Variants in ESRRG observed in about 807,000 individuals in gnomAD.
The protein encoded by ESRRG is estrogen related receptor gamma, also known as estrogen-related receptor gamma.
ESRRG carries 13 observed loss-of-function variants against 44.0 expected under a neutral mutation model. The observed-to-expected ratio is 0.30, with a 90% CI of 0.19 to 0.47. The LOEUF is 0.47. ESRRG is among the 20% of genes least tolerant of loss of function. The pLI, the probability that ESRRG is intolerant of heterozygous loss-of-function variation, is 1.00. For synonymous variants in ESRRG, 215 were observed against 214.6 expected, an observed-to-expected ratio of 1.00 and a Z score of -0.02; for missense variants, 395 against 580.6, an observed-to-expected ratio of 0.68 and a Z score of 3.29.
intron 3 of ESRRG, among the ~76,000 whole-genome samples, chr1:216,649,524 A>T (rs1003758734): frequency 1.3e-5 from 2 of 151,350 alleles, no homozygotes; most frequent in Non-Finnish European, 3.0e-5. Flanking sequence ...ACACACACAC[A>T]CTCTCATACA....
chr1:217,087,159 C>A (rs935221114), intron 1 of ESRRG, among the ~76,000 whole-genome samples: 2 of 152,156 alleles, frequency 1.3e-5, no homozygotes, highest in Non-Finnish European at 2.9e-5. Context: ...TTACCTCTGG[C>A]GGGCTTTCGC....
chr1:217,107,984 G>C (rs1441422620), intron 1 of ESRRG, among the ~76,000 whole-genome samples: 2 of 151,352 alleles, frequency 1.3e-5, no homozygotes, highest in Non-Finnish European at 2.9e-5. Flanking sequence ...TGTCATTCCT[G>C]ACTCTGATGA....
chr1:216,540,646 A>G (rs927418239), intron 5 of ESRRG, among the ~76,000 whole-genome samples: 4 of 152,180 alleles, frequency 2.6e-5, no homozygotes, highest in Non-Finnish European at 5.9e-5. Flanking sequence ...ATAGTGCTAC[A>G]TGCTAATTTC....
intron 1 of ESRRG, among the ~76,000 whole-genome samples, chr1:216,693,949 G>T (rs2079589379): frequency 6.6e-6 from 1 of 152,124 alleles, no homozygotes; most frequent in African/African-American, 2.4e-5. Context: ...CTAAATAAAA[G>T]TGTTGTTCAT....
chr1:217,032,163 A>G (rs1261296954), intron 1 of ESRRG, among the ~76,000 whole-genome samples: 4 of 152,200 alleles, frequency 2.6e-5, no homozygotes, highest in Non-Finnish European at 5.9e-5. Context: ...ATTTTTTAAA[A>G]TAGAAATACC....
intron 1 of ESRRG, among the ~76,000 whole-genome samples, chr1:217,042,760 C>G (rs995917925): frequency 6.6e-6 from 1 of 152,074 alleles, no homozygotes; most frequent in South Asian, 2.1e-4. Flanking sequence ...AAAAAGCTCT[C>G]CAAAAGGGTC....
intron 1 of ESRRG, chr1:216,707,418 T>G (rs534651383): frequency 6.5e-7 from 1 of 1,535,870 alleles, no homozygotes; most frequent in East Asian, 2.4e-5. Flanking sequence ...CCCAATCACA[T>G]TCTCGCCACA....
intron 1 of ESRRG, among the ~76,000 whole-genome samples, chr1:216,949,842 T>C (rs945604727): frequency 6.6e-6 from 1 of 151,930 alleles, no homozygotes; most frequent in Non-Finnish European, 1.5e-5. Flanking sequence ...TGAGACAGTC[T>C]TGATCTGTCA....
At chr1:216,962,712 T>C (rs955548034) in intron 1 of ESRRG, among the ~76,000 whole-genome samples, 1 of 152,202 alleles carries the variant, frequency 6.6e-6, no homozygotes, top group Non-Finnish European at 1.5e-5. Context: ...ATAGGAACCA[T>C]TGAAATCTAA....
intron 5 of ESRRG, among the ~76,000 whole-genome samples, chr1:216,532,340 G>T (rs559799445): frequency 2.2e-4 from 34 of 152,224 alleles, no homozygotes; most frequent in Admixed American, 2.2e-3. Context: ...GACATAACGG[G>T]GATCAAGCCG....
intron 2 of ESRRG, among the ~76,000 whole-genome samples, chr1:216,927,172 C>G (rs2062702960): frequency 1.3e-5 from 2 of 152,156 alleles, no homozygotes; most frequent in South Asian, 2.1e-4. Flanking sequence ...AGACACTCCT[C>G]TCTTTCTAAG....
At position 216,563,524 on chromosome 1, in the gene ESRRG, T is replaced by C. The variant is rs139355998; in HGVS notation, c.862+695A>G. 2.2e-3 allele frequency among the ~76,000 whole-genome samples: 339 copies of C among 152,238 alleles called. 13 individuals are homozygous for C. The East Asian group carries it at 0.058, about 26-fold the overall frequency. ...ACATTGCTCATCATTCAAAAACTTG[T>C]TTATAAACTATCTGAAAATTCAACT... On this transcript the variant is annotated intron_variant, in intron 5 of 6. Transcript: ENST00000408911.
At chr1:216,558,380 TG>T (rs1219200533) in intron 5 of ESRRG, among the ~76,000 whole-genome samples, 1 of 152,194 alleles carries the variant, frequency 6.6e-6, no homozygotes, top group Non-Finnish European at 1.5e-5. Flanking sequence ...CCAATGGTCC[TG>T]CCCATGTAGA....
In ESRRG at chr1:216,625,678, T is replaced by G. The variant is rs143690734; in HGVS notation, c.589+25295A>C. Among the ~76,000 whole-genome samples the G allele has an allele frequency of 1.6e-3, 246 of 152,330 alleles. 1 individual carries two copies. The highest frequency in any genetic ancestry group is 5.7e-3 in the African/African-American group (239 of 41,586). On this transcript the variant is annotated intron_variant, in intron 3 of 6. Transcript: ENST00000408911. Reference sequence around the variant, plus strand: ...GTTATATGAGCTCAGGCAAGCCTTTTAACTTCTGTGTCTTCGTGTCCATCA... The same window carrying G: ...GTTATATGAGCTCAGGCAAGCCTTTGAACTTCTGTGTCTTCGTGTCCATCA...
intron 2 of ESRRG, among the ~76,000 whole-genome samples, chr1:216,837,176 G>A (rs545870547): frequency 2.6e-5 from 4 of 151,982 alleles, no homozygotes; most frequent in South Asian, 2.1e-4. Context: ...TTGGGAGGCC[G>A]AGGCGGGCAG....
chr1:216,956,507 C>T (rs552848065), intron 1 of ESRRG, among the ~76,000 whole-genome samples: 3 of 152,212 alleles, frequency 2.0e-5, no homozygotes, highest in Middle Eastern at 3.4e-3. Flanking sequence ...TGATCACTAT[C>T]GCTTTGTAGT....
At chr1:216,747,555 C>A (rs146596427) in intron 2 of ESRRG, among the ~76,000 whole-genome samples, 110 of 152,274 alleles carry the variant, frequency 7.2e-4, no homozygotes, top group African/African-American at 2.5e-3. Context: ...GAAGGTAGAG[C>A]AACTGGGTAT....
intron 2 of ESRRG, among the ~76,000 whole-genome samples, chr1:216,811,038 A>G (rs1167312568): frequency 6.6e-6 from 1 of 152,070 alleles, no homozygotes; most frequent in African/African-American, 2.4e-5. Flanking sequence ...AGGCAAAAAT[A>G]AATTTCAGAA....
At chr1:216,606,847 A>C (rs2059995753) in intron 3 of ESRRG, among the ~76,000 whole-genome samples, 1 of 152,224 alleles carries the variant, frequency 6.6e-6, no homozygotes, top group Non-Finnish European at 1.5e-5. Context: ...CATTGTTCAT[A>C]TATTTGCTAG....
Sources: allele counts gnomAD v4.1 joint callset (sites outside exome capture counted in the v4.1 genomes callset), GRCh38; gene constraint gnomAD v4.1.1; transcripts MANE v1.5; gene names NCBI Gene and HGNC (gene_info 2026-07-23, HGNC 2026-07-21).